Variants in GRIK1 observed in about 807,000 individuals in gnomAD.
GRIK1 encodes glutamate receptor ionotropic, kainate 1.
GRIK1 carries 69 observed loss-of-function variants against 105.7 expected under a neutral mutation model. The observed-to-expected ratio is 0.65, with a 90% CI of 0.54 to 0.80. The LOEUF is 0.80. Among genes scored for constraint, GRIK1 ranks in the 30% least tolerant of loss-of-function variants. The pLI, the probability that GRIK1 is intolerant of heterozygous loss-of-function variation, is 0.00. For missense variants in GRIK1, 1,109 were observed against 1,167.3 expected, an observed-to-expected ratio of 0.95 and a Z score of 0.73; for synonymous variants, 438 against 431.3, an observed-to-expected ratio of 1.02 and a Z score of -0.19.
Position 29,822,851 on chromosome 21 carries a change from G to A in GRIK1, c.118+116532C>T, listed in dbSNP as rs2067343112. ...TTTTTACTAGCTTGCTACTATTTGGGTTTTCAATCACACTCAGCCTAATCT... is the reference window on the plus strand; with the variant it reads ...TTTTTACTAGCTTGCTACTATTTGGATTTTCAATCACACTCAGCCTAATCT... On this transcript the variant is annotated intron_variant, in intron 1 of 17. Transcript: ENST00000327783. 2.0e-5 allele frequency among the ~76,000 whole-genome samples: 3 copies of A among 152,096 alleles called. No homozygotes were observed. The South Asian group carries it at 6.2e-4, about 32-fold the overall frequency.
intron 1 of GRIK1, among the ~76,000 whole-genome samples, chr21:29,736,884 G>C (rs2064805121): frequency 6.6e-6 from 1 of 151,668 alleles, no homozygotes; most frequent in African/African-American, 2.4e-5. Flanking sequence ...TCACCATGTT[G>C]GTCAGGCTGG....
chr21:29,894,056 C>T (rs1205441183), intron 1 of GRIK1, among the ~76,000 whole-genome samples: 1 of 152,082 alleles, frequency 6.6e-6, no homozygotes, highest in East Asian at 1.9e-4. Context: ...GTAGGTTGCA[C>T]ATGAGGAATA....
chr21:29,672,052 TTTAC>T (rs2146641262), intron 4 of GRIK1, among the ~76,000 whole-genome samples: 1 of 151,246 alleles, frequency 6.6e-6, no homozygotes, highest in South Asian at 2.1e-4. Flanking sequence ...TAATTCTGAA[TTTAC>T]TTTTTTTTTT....
intron 7 of GRIK1, among the ~76,000 whole-genome samples, chr21:29,620,978 G>GA (rs554342629): frequency 6.8e-6 from 1 of 146,262 alleles, no homozygotes; most frequent in Admixed American, 6.9e-5. Context: ...ACAGAATTTG[G>GA]AAAAAAAATA....
chr21:29,632,214 C>T (rs1398850735), intron 7 of GRIK1, among the ~76,000 whole-genome samples: 1 of 150,528 alleles, frequency 6.6e-6, no homozygotes, highest in Non-Finnish European at 1.5e-5. Context: ...TATGGTATGC[C>T]CTTCCCTCTT....
At chr21:29,781,042 C>T (rs2066084719) in intron 1 of GRIK1, among the ~76,000 whole-genome samples, 1 of 152,000 alleles carries the variant, frequency 6.6e-6, no homozygotes, top group Non-Finnish European at 1.5e-5. Context: ...AAAGTAAAAC[C>T]CATCTAAAAT....
intron 16 of GRIK1, among the ~76,000 whole-genome samples, chr21:29,547,433 A>C (rs1047856213): frequency 1.3e-5 from 2 of 152,148 alleles, no homozygotes; most frequent in African/African-American, 4.8e-5. Flanking sequence ...TTTCCTTCCC[A>C]TTTTCTACTA....
intron 14 of GRIK1, among the ~76,000 whole-genome samples, chr21:29,562,664 A>G (rs1262649258): frequency 2.0e-5 from 3 of 149,568 alleles, no homozygotes; most frequent in Non-Finnish European, 4.4e-5. Flanking sequence ...TCAAAAAAAA[A>G]AAGAAGAAAA....
At chr21:29,917,896 C>G (rs1350889068) in intron 1 of GRIK1, among the ~76,000 whole-genome samples, 3 of 151,878 alleles carry the variant, frequency 2.0e-5, no homozygotes, top group Non-Finnish European at 4.4e-5. Flanking sequence ...CAAAACAGAC[C>G]TAATTTCTGT....
At chr21:29,895,113 G>A (rs1471562738) in intron 1 of GRIK1, among the ~76,000 whole-genome samples, 1 of 152,134 alleles carries the variant, frequency 6.6e-6, no homozygotes, top group African/African-American at 2.4e-5. Flanking sequence ...ATTTAAGTAA[G>A]AATATTGACA....
intron 1 of GRIK1, among the ~76,000 whole-genome samples, chr21:29,938,983 G>A (rs1289176736): frequency 6.6e-6 from 1 of 152,142 alleles, no homozygotes; most frequent in South Asian, 2.1e-4. Flanking sequence ...AGGTTGCCAG[G>A]CACCGGGACT....
At chr21:29,655,053 A>G (rs1419571769) in intron 4 of GRIK1, among the ~76,000 whole-genome samples, 190 bp from the exon 5 acceptor site, 2 of 152,230 alleles carry the variant, frequency 1.3e-5, no homozygotes, top group Non-Finnish European at 2.9e-5. Flanking sequence ...CCTCCAGCCA[A>G]CACTATTTCC....
At chr21:29,613,833 G>A (rs978256827) in intron 7 of GRIK1, among the ~76,000 whole-genome samples, 3 of 151,976 alleles carry the variant, frequency 2.0e-5, no homozygotes, top group African/African-American at 4.8e-5. Context: ...CATATGGTTG[G>A]GCATGTACTT....
intron 1 of GRIK1, among the ~76,000 whole-genome samples, chr21:29,716,172 C>T (rs1601520091): frequency 6.6e-6 from 1 of 152,140 alleles, no homozygotes; most frequent in Admixed American, 6.6e-5. Flanking sequence ...GAGGCCTCCC[C>T]AACCATGCTG....
At chr21:29,595,639 A>C (rs1199858399) in intron 9 of GRIK1, among the ~76,000 whole-genome samples, 3 of 152,174 alleles carry the variant, frequency 2.0e-5, no homozygotes, top group Admixed American at 2.0e-4. Flanking sequence ...AAACTGTTCA[A>C]GTTGAACAAC....
intron 16 of GRIK1, among the ~76,000 whole-genome samples, chr21:29,544,960 C>A (rs573155356): frequency 6.6e-6 from 1 of 152,196 alleles, no homozygotes; most frequent in African/African-American, 2.4e-5. Context: ...GACCTGAGAA[C>A]ACAGGGAAAC....
intron 1 of GRIK1, among the ~76,000 whole-genome samples, chr21:29,785,440 T>A (rs1219212398): frequency 6.6e-6 from 1 of 151,678 alleles, no homozygotes; most frequent in Non-Finnish European, 1.5e-5. Flanking sequence ...GGTGTGAGCC[T>A]GTAATCCCAG....
chr21:29,805,516 T>G (rs1010066451), intron 1 of GRIK1, among the ~76,000 whole-genome samples: 21 of 152,162 alleles, frequency 1.4e-4, no homozygotes, highest in Non-Finnish European at 2.6e-4. Context: ...TTTTAAATTT[T>G]GAAGACTAAG....
At chr21:29,570,351 A>C (rs1033251014) in intron 14 of GRIK1, among the ~76,000 whole-genome samples, 2 of 152,110 alleles carry the variant, frequency 1.3e-5, no homozygotes, top group Non-Finnish European at 2.9e-5. Context: ...AAATAAAAAA[A>C]TATAGCTGGG....
Sources: allele counts gnomAD v4.1 joint callset (sites outside exome capture counted in the v4.1 genomes callset), GRCh38; gene constraint gnomAD v4.1.1; transcripts MANE v1.5; gene names NCBI Gene and HGNC (gene_info 2026-07-23, HGNC 2026-07-21).